DLGAP2: variants seen among roughly 807,000 people sequenced by gnomAD.
DLGAP2 encodes disks large-associated protein 2.
DLGAP2 carries 26 observed loss-of-function variants against 100.3 expected under a neutral mutation model. That is an observed-to-expected ratio of 0.26 (90% CI 0.19 to 0.36). The LOEUF (loss-of-function observed/expected upper bound fraction) is 0.36, where lower values mean the gene tolerates loss of function less well. Among genes scored for constraint, DLGAP2 ranks in the 10% least tolerant of loss-of-function variants. The pLI is 1.00. For missense variants in DLGAP2, 1,858 were observed against 1,453.2 expected (o/e 1.28, Z -4.53); for synonymous variants, 886 against 630.1 (o/e 1.41, Z -6.08).
chr8:1,255,272 T>C lies in DLGAP2; in HGVS notation c.74-3579T>C, dbSNP rs1205792490. On this transcript the variant is annotated intron_variant, in intron 2 of 14. Coordinates refer to ENST00000637795, the MANE Select transcript of DLGAP2 (RefSeq NM_001346810.2). ...ATCCTGCCCGGGTGCTGTGTGTGTG[T>C]CCTCTCCTGCCTGGGTGCTGTGTGT... Among the ~76,000 whole-genome samples the C allele has an allele frequency of 5.2e-5, 5 of 95,420 alleles. 1 individual carries two copies. Among genetic ancestry groups the C allele is most frequent in the African/African-American group, 1.9e-4 (3 of 15,648 alleles). The allele number at this position is 95,420 out of a possible 152,430, so 62.6% of individuals were successfully genotyped here.
intron 3 of DLGAP2, among the ~76,000 whole-genome samples, chr8:1,261,833 CT>C (rs950263198): frequency 3.9e-5 from 6 of 152,300 alleles, no homozygotes; most frequent in African/African-American, 1.4e-4. Flanking sequence ...TGAAATCAGC[CT>C]TTTTGTTTGG....
intron 2 of DLGAP2, among the ~76,000 whole-genome samples, chr8:951,526 C>T (rs749515997): frequency 6.6e-6 from 1 of 152,248 alleles, no homozygotes; most frequent in Non-Finnish European, 1.5e-5. Flanking sequence ...GCTGGGATTA[C>T]AGGCGTGAGC....
chr8:806,996 G>A (rs4735939), intron 1 of DLGAP2, among the ~76,000 whole-genome samples: 38,144 of 152,116 alleles, frequency 0.25, 5,352 homozygotes, highest in Admixed American at 0.43. Context: ...ACAAGCACGT[G>A]CTTTCACCCT....
chr8:1,189,096 G>A (rs957892955), intron 2 of DLGAP2, among the ~76,000 whole-genome samples: 5 of 146,064 alleles, frequency 3.4e-5, no homozygotes, highest in Non-Finnish European at 7.4e-5. Context: ...CCGCGGTTGG[G>A]GTTGACCTTA....
intron 3 of DLGAP2, among the ~76,000 whole-genome samples, chr8:1,316,140 C>T (rs566393109): frequency 5.6e-5 from 7 of 124,300 alleles, no homozygotes; most frequent in African/African-American, 2.0e-4. Flanking sequence ...TGTGCGAGTG[C>T]AGCGTCTCCC....
intron 2 of DLGAP2, among the ~76,000 whole-genome samples, chr8:955,862 T>A (rs1799585092): frequency 6.6e-6 from 1 of 152,222 alleles, no homozygotes; most frequent in Non-Finnish European, 1.5e-5. Context: ...GTAGTTTTCC[T>A]GGGAACAACA....
chr8:1,372,896 T>G (rs1802280087), intron 3 of DLGAP2, among the ~76,000 whole-genome samples: 1 of 152,232 alleles, frequency 6.6e-6, no homozygotes, highest in Admixed American at 6.5e-5. Flanking sequence ...ATCTTAGGGA[T>G]TCAGTCTAAA....
At position 1,549,527 on chromosome 8, in the gene DLGAP2, G is replaced by A. The variant is rs749129862; in HGVS notation, c.1074G>A (p.Ala358=). The A allele has an allele frequency of 1.2e-6, 2 of 1,613,362 alleles. No homozygotes were observed. The highest frequency in any genetic ancestry group is 1.1e-5 in the South Asian group (1 of 91,076). ...DVKCSACEGL[A]LTPDAKYLKR... Reference sequence around the variant, plus strand: ...AGTGCTCGGCCTGTGAGGGGTTGGCGCTGACGCCCGACGCCAAGTACCTGA... The same window carrying A: ...AGTGCTCGGCCTGTGAGGGGTTGGCACTGACGCCCGACGCCAAGTACCTGA... Residue 358 remains alanine, a synonymous_variant, in exon 5 of 15, where the codon GCG becomes GCA. Coordinates refer to ENST00000637795, the MANE Select transcript of DLGAP2 (RefSeq NM_001346810.2).
intron 1 of DLGAP2, among the ~76,000 whole-genome samples, chr8:857,855 A>C (rs1797310302): frequency 6.7e-6 from 1 of 149,214 alleles, no homozygotes; most frequent in African/African-American, 2.5e-5. Context: ...TTCTGTTCAC[A>C]CAAAAACTTG....
chr8:1,670,662 G>A (rs1299565985), intron 10 of DLGAP2, among the ~76,000 whole-genome samples: 4 of 152,324 alleles, frequency 2.6e-5, no homozygotes, highest in African/African-American at 9.6e-5. Context: ...GTAGGTGGAT[G>A]ACGAAGTCAC....
chr8:1,306,367 A>G (rs1262337151), intron 3 of DLGAP2, among the ~76,000 whole-genome samples: 4 of 152,142 alleles, frequency 2.6e-5, no homozygotes, highest in Non-Finnish European at 5.9e-5. Flanking sequence ...AAATTCTTAG[A>G]AATAAGCTTA....
At chr8:1,343,574 G>A (rs1163002638) in intron 3 of DLGAP2, among the ~76,000 whole-genome samples, 2 of 152,190 alleles carry the variant, frequency 1.3e-5, no homozygotes, top group Non-Finnish European at 2.9e-5. Context: ...CAGAGGCGCT[G>A]GTCAAAACCA....
intron 2 of DLGAP2, among the ~76,000 whole-genome samples, chr8:913,624 T>C (rs1798533717): frequency 1.3e-5 from 2 of 152,262 alleles, no homozygotes; most frequent in Non-Finnish European, 2.9e-5. Flanking sequence ...ATAAGGTGCT[T>C]TCACATTCAT....
chr8:925,465 C>A (rs1217147906), intron 2 of DLGAP2, among the ~76,000 whole-genome samples: 1 of 152,072 alleles, frequency 6.6e-6, no homozygotes, highest in East Asian at 1.9e-4. Flanking sequence ...GGAGGCTGGA[C>A]AGGGCTGGAT....
chr8:955,342 G>A (rs774673328), intron 2 of DLGAP2, among the ~76,000 whole-genome samples: 4 of 152,116 alleles, frequency 2.6e-5, no homozygotes, highest in South Asian at 4.1e-4. Flanking sequence ...GCCCAGCGAG[G>A]CCTCTCAATG....
At chr8:912,336 C>T (rs944188769) in intron 2 of DLGAP2, among the ~76,000 whole-genome samples, 3 of 152,214 alleles carry the variant, frequency 2.0e-5, no homozygotes, top group African/African-American at 7.2e-5. Context: ...TTTCACGTGA[C>T]TTCCCTGTGT....
chr8:1,669,553 G>A (rs902786920), intron 9 of DLGAP2, among the ~76,000 whole-genome samples, 190 bp from the exon 10 acceptor site: 2 of 152,202 alleles, frequency 1.3e-5, no homozygotes, highest in South Asian at 2.1e-4. Flanking sequence ...TGCGTTCCTC[G>A]GAGCTTTAAC....
At position 966,402 on chromosome 8, in the gene DLGAP2, G is replaced by A. The variant is rs533269867; in HGVS notation, c.73+58436G>A. Among the ~76,000 whole-genome samples, 125 of 152,302 alleles carry A rather than the reference G, an allele frequency of 8.2e-4. 2 individuals carry two copies. Among genetic ancestry groups the A allele is most frequent in the African/African-American group, 2.9e-3 (122 of 41,558 alleles). On this transcript the variant is annotated intron_variant, in intron 2 of 14. Transcript: ENST00000637795. ...ATCATTTAAAAAGATAAGTATCGAG[G>A]AAGCTTCCATTTCAAACCAACTCCG...
At chr8:1,175,407 T>G (rs572296142) in intron 2 of DLGAP2, among the ~76,000 whole-genome samples, 10 of 152,204 alleles carry the variant, frequency 6.6e-5, no homozygotes, top group African/African-American at 2.4e-4. Context: ...TACATTACCA[T>G]CATAGTTGTG....
Sources: allele counts gnomAD v4.1 joint callset (sites outside exome capture counted in the v4.1 genomes callset), GRCh38; gene constraint gnomAD v4.1.1; transcripts MANE v1.5; gene names NCBI Gene and HGNC (gene_info 2026-07-23, HGNC 2026-07-21).